The following KCNIP4 variants were observed in gnomAD, a reference collection of about 807,000 sequenced individuals.
KCNIP4 encodes potassium voltage-gated channel interacting protein 4, also known as Kv channel-interacting protein 4.
A neutral mutation model predicts 34.0 loss-of-function variants in KCNIP4; 12 were observed. That is an observed-to-expected ratio of 0.35 (90% CI 0.23 to 0.57). The LOEUF (loss-of-function observed/expected upper bound fraction) is 0.57, where lower values mean the gene tolerates loss of function less well. KCNIP4 is among the 20% of genes least tolerant of loss of function. The probability of loss-of-function intolerance (pLI) is 0.83; values close to 1 mark genes in which losing one functional copy is unlikely to be tolerated. For missense variants in KCNIP4, 238 were observed against 311.7 expected (o/e 0.76, Z 1.78); for synonymous variants, 124 against 102.2 (o/e 1.21, Z -1.29).
intron 2 of KCNIP4, among the ~76,000 whole-genome samples, chr4:20,853,032 C>A (rs1209490983): frequency 6.6e-6 from 1 of 152,084 alleles, no homozygotes; most frequent in Non-Finnish European, 1.5e-5. Flanking sequence ...TGGGTAGAAT[C>A]AATATTGTGA....
chr4:21,564,885 G>A (rs546157800), intron 1 of KCNIP4, among the ~76,000 whole-genome samples: 13 of 152,086 alleles, frequency 8.5e-5, no homozygotes, highest in Middle Eastern at 3.4e-3. Context: ...ACTAGCAGAG[G>A]GAGAACTCCC....
chr4:21,920,863 T>A (rs542445755), intron 1 of KCNIP4, among the ~76,000 whole-genome samples: 2 of 152,234 alleles, frequency 1.3e-5, no homozygotes, highest in East Asian at 3.9e-4. Context: ...AGAAGTGCAC[T>A]GTACATTTTC....
At chr4:21,169,431 T>TACAG (rs1753851230) in intron 1 of KCNIP4, among the ~76,000 whole-genome samples, 1 of 151,856 alleles carries the variant, frequency 6.6e-6, no homozygotes, top group Admixed American at 6.6e-5. Flanking sequence ...AGATTACAGG[T>TACAG]GTGTAATCTC....
intron 1 of KCNIP4, among the ~76,000 whole-genome samples, chr4:21,766,500 G>A (rs914999740): frequency 6.6e-6 from 1 of 152,048 alleles, no homozygotes; most frequent in Non-Finnish European, 1.5e-5. Context: ...ATGTTTCCCA[G>A]GCTTCCCTCT....
chr4:21,512,531 C>A (rs1471929733), intron 1 of KCNIP4, among the ~76,000 whole-genome samples: 2 of 151,886 alleles, frequency 1.3e-5, no homozygotes, highest in African/African-American at 4.8e-5. Context: ...TTATTTTGTA[C>A]TTCTCCACAG....
At chr4:21,708,707 T>A (rs1472136588) in intron 1 of KCNIP4, among the ~76,000 whole-genome samples, 1 of 152,130 alleles carries the variant, frequency 6.6e-6, no homozygotes, top group African/African-American at 2.4e-5. Context: ...CATTTTCAGT[T>A]ATATCAAAGG....
At chr4:20,885,830 A>T (rs1445936483) in intron 1 of KCNIP4, among the ~76,000 whole-genome samples, 2 of 152,140 alleles carry the variant, frequency 1.3e-5, no homozygotes, top group Non-Finnish European at 2.9e-5. Context: ...CCTATTCCCT[A>T]CTGTCTCAGG....
intron 1 of KCNIP4, among the ~76,000 whole-genome samples, chr4:20,945,836 G>T (rs980442599): frequency 9.2e-5 from 14 of 152,174 alleles, no homozygotes; most frequent in African/African-American, 3.1e-4. Flanking sequence ...TCGATTTGGG[G>T]ACATGAGCTC....
At chr4:21,763,967 G>A (rs992295278) in intron 1 of KCNIP4, among the ~76,000 whole-genome samples, 3 of 152,074 alleles carry the variant, frequency 2.0e-5, no homozygotes, top group African/African-American at 7.2e-5. Flanking sequence ...TCAGTGCCAG[G>A]AACTCCAGAT....
At position 21,446,120 on chromosome 4, in the gene KCNIP4, A is replaced by T. The variant is rs193165590; in HGVS notation, c.61+502451T>A. Reference sequence around the variant, plus strand: ...AATGGCGATCATTAAAACGTCAGGAAACAACAGGTGCTGGAGAGGATGTGG... The same window carrying T: ...AATGGCGATCATTAAAACGTCAGGATACAACAGGTGCTGGAGAGGATGTGG... On this transcript the variant is annotated intron_variant, in intron 1 of 8. Coordinates refer to ENST00000382152, the MANE Select transcript of KCNIP4 (RefSeq NM_025221.6). Among the ~76,000 whole-genome samples, 1,024 of 152,264 alleles carry T rather than the reference A, an allele frequency of 6.7e-3. 12 individuals carry two copies. Among genetic ancestry groups the T allele is most frequent in the African/African-American group, 0.023 (969 of 41,504 alleles).
chr4:20,918,707 C>G (rs1008424799), intron 1 of KCNIP4, among the ~76,000 whole-genome samples: 4 of 152,198 alleles, frequency 2.6e-5, no homozygotes, highest in African/African-American at 9.6e-5. Flanking sequence ...CCTTTCCTCT[C>G]CTCCCTGTGT....
chr4:21,082,037 G>A lies in KCNIP4; in HGVS notation c.62-199328C>T, dbSNP rs1034878887. Among the ~76,000 whole-genome samples, 5 of 151,830 alleles carry A rather than the reference G, an allele frequency of 3.3e-5. 1 individual carries two copies. The highest frequency in any genetic ancestry group is 1.9e-4 in the East Asian group (1 of 5,192). On this transcript the variant is annotated intron_variant, in intron 1 of 8. Transcript: ENST00000382152. The stretch of plus-strand genomic sequence containing the variant: ...GAAAAGGCTAATTGCTGATGATTTC[G>A]CAGAAAAGAGGTCTATTCTTTTTAG...
intron 1 of KCNIP4, among the ~76,000 whole-genome samples, chr4:21,748,285 A>G (rs1373636236): frequency 6.6e-6 from 1 of 152,152 alleles, no homozygotes; most frequent in African/African-American, 2.4e-5. Flanking sequence ...CCATGCTACA[A>G]CTTTCCACTA....
At chr4:21,822,509 T>G (rs1189874112) in intron 1 of KCNIP4, among the ~76,000 whole-genome samples, 1 of 152,184 alleles carries the variant, frequency 6.6e-6, no homozygotes, top group East Asian at 1.9e-4. Flanking sequence ...ATACTTAAAT[T>G]TATCTCTTGT....
At chr4:21,051,572 CT>C (rs576394804) in intron 1 of KCNIP4, among the ~76,000 whole-genome samples, 10 of 151,170 alleles carry the variant, frequency 6.6e-5, no homozygotes, top group South Asian at 2.1e-4. Context: ...TTGTTTAGTT[CT>C]TTTTTTTTAT....
At chr4:21,152,208 G>T (rs1446755742) in intron 1 of KCNIP4, among the ~76,000 whole-genome samples, 2 of 152,080 alleles carry the variant, frequency 1.3e-5, no homozygotes, top group Non-Finnish European at 2.9e-5. Context: ...AGCCCAGATA[G>T]CACCACTGCA....
chr4:20,926,345 T>TA (rs1321227594), intron 1 of KCNIP4, among the ~76,000 whole-genome samples: 1 of 152,238 alleles, frequency 6.6e-6, no homozygotes, highest in African/African-American at 2.4e-5. Flanking sequence ...TGCAACTTTT[T>TA]ATCCCCTCCC....
Position 21,205,100 on chromosome 4 carries a change from G to A in KCNIP4, c.62-322391C>T, listed in dbSNP as rs189749336. The stretch of plus-strand genomic sequence containing the variant: ...AGCTGGTTCATCAAGAATGCACGGA[G>A]GAATAAGAATATGACTGTGGAGTAA... On this transcript the variant is annotated intron_variant, in intron 1 of 8. Transcript: ENST00000382152. Among the ~76,000 whole-genome samples the A allele has an allele frequency of 5.9e-5, 9 of 152,306 alleles. No individual in the cohort carries two copies. The East Asian group carries it at 1.7e-3, about 29-fold the overall frequency.
chr4:20,903,455 A>G (rs1052403128), intron 1 of KCNIP4, among the ~76,000 whole-genome samples: 3 of 152,172 alleles, frequency 2.0e-5, no homozygotes, highest in African/African-American at 7.2e-5. Context: ...GGTAGCCACT[A>G]TAAGACTTCA....
Sources: allele counts gnomAD v4.1 joint callset (sites outside exome capture counted in the v4.1 genomes callset), GRCh38; gene constraint gnomAD v4.1.1; transcripts MANE v1.5; gene names NCBI Gene and HGNC (gene_info 2026-07-23, HGNC 2026-07-21).